RALGPS1: variants seen among roughly 807,000 people sequenced by gnomAD.
RALGPS1 encodes ras-specific guanine nucleotide-releasing factor RalGPS1.
In RALGPS1, 19 loss-of-function variants were observed where a neutral mutation model predicts 78.8. That is an observed-to-expected ratio of 0.24 (90% CI 0.17 to 0.35). The LOEUF (loss-of-function observed/expected upper bound fraction) is 0.35, where lower values mean the gene tolerates loss of function less well. RALGPS1 is among the 10% of genes least tolerant of loss of function. The pLI is 1.00. For missense variants in RALGPS1, 454 were observed against 688.3 expected (o/e 0.66, Z 3.81); for synonymous variants, 228 against 256.3 (o/e 0.89, Z 1.06).
chr9:127,110,683 G>A (rs1260240879), intron 8 of RALGPS1, among the ~76,000 whole-genome samples: 1 of 152,104 alleles, frequency 6.6e-6, no homozygotes, highest in Non-Finnish European at 1.5e-5. Flanking sequence ...TTTTTCCTGT[G>A]TTCATAAATG....
chr9:126,963,405 A>T (rs947665757), intron 2 of RALGPS1, among the ~76,000 whole-genome samples: 2 of 152,206 alleles, frequency 1.3e-5, no homozygotes, highest in Admixed American at 6.6e-5. Context: ...GTGTATACAC[A>T]TTATACACAT....
intron 1 of RALGPS1, among the ~76,000 whole-genome samples, chr9:126,933,303 A>G (rs1317858041): frequency 6.6e-6 from 1 of 152,084 alleles, no homozygotes; most frequent in Non-Finnish European, 1.5e-5. Flanking sequence ...GCCTTAGGCC[A>G]CTAGTCTCAA....
chr9:127,193,548 G>A (rs749133525), intron 11 of RALGPS1, among the ~76,000 whole-genome samples: 19 of 152,158 alleles, frequency 1.2e-4, no homozygotes, highest in Admixed American at 3.9e-4. Context: ...AAGTGCCCTT[G>A]CCTCCTGAAT....
chr9:127,065,581 T>G (rs1392201495), intron 7 of RALGPS1, among the ~76,000 whole-genome samples: 1 of 152,184 alleles, frequency 6.6e-6, no homozygotes, highest in Admixed American at 6.5e-5. Flanking sequence ...ACCAGATATC[T>G]AAGTAATCCT....
At chr9:126,941,070 G>A (rs1393923592) in intron 1 of RALGPS1, among the ~76,000 whole-genome samples, 1 of 151,748 alleles carries the variant, frequency 6.6e-6, no homozygotes, top group African/African-American at 2.4e-5. Flanking sequence ...GTTCACATGT[G>A]TTATAAAGAT....
chr9:127,088,683 G>A, intron 8 of RALGPS1: 1 of 528,904 alleles, frequency 1.9e-6, no homozygotes, highest in Non-Finnish European at 3.4e-6. Flanking sequence ...TTTATTTAAA[G>A]AAAGAGTTGT....
At chr9:127,141,975 C>T (rs908724758) in intron 8 of RALGPS1, among the ~76,000 whole-genome samples, 2 of 152,190 alleles carry the variant, frequency 1.3e-5, no homozygotes, top group Non-Finnish European at 2.9e-5. Context: ...TAACCCCATT[C>T]CACTATAGTA....
intron 7 of RALGPS1, among the ~76,000 whole-genome samples, chr9:127,057,321 T>G (rs1301514438): frequency 1.3e-5 from 2 of 152,216 alleles, no homozygotes; most frequent in Non-Finnish European, 2.9e-5. Context: ...TGGGTTGCAC[T>G]GAAAGCCTGA....
rs201609759 is a variant in RALGPS1, at chr9:127,212,606, C to T, written c.1354-21C>T. 3.4e-5 allele frequency: 54 copies of T among 1,567,238 alleles called. No homozygotes were observed. The African/African-American group carries it at 5.6e-4, about 16-fold the overall frequency. On this transcript the variant is annotated intron_variant, in intron 15 of 18. Coordinates refer to ENST00000259351, the MANE Select transcript of RALGPS1 (RefSeq NM_014636.3). This position sits in a 1 kb window ranked among gnomAD's most constrained non-coding sequence, Gnocchi z 6.0. ...CCCCACGACCCCTGGTGGCATCACT[C>T]AGCCTCCCCTTCCTCTGTAGCTGTC... is the stretch of plus-strand genomic sequence containing the variant.
At chr9:126,916,960 T>C (rs1198396214) in intron 1 of RALGPS1, among the ~76,000 whole-genome samples, 1 of 152,194 alleles carries the variant, frequency 6.6e-6, no homozygotes, top group Non-Finnish European at 1.5e-5. Flanking sequence ...TGCTCACTGG[T>C]AGTTGACCAG....
At chr9:127,068,773 A>G (rs2049933365) in intron 7 of RALGPS1, among the ~76,000 whole-genome samples, 1 of 152,190 alleles carries the variant, frequency 6.6e-6, no homozygotes, top group African/African-American at 2.4e-5. Context: ...TCCCATAGGC[A>G]TTGTGCCCAG....
chr9:127,058,925 C>G (rs916969451), intron 7 of RALGPS1, among the ~76,000 whole-genome samples: 38 of 152,092 alleles, frequency 2.5e-4, no homozygotes, highest in African/African-American at 9.2e-4. Context: ...AATTGAAATT[C>G]TTGGCAGGCA....
At chr9:127,181,528 A>G (rs2060220784) in intron 11 of RALGPS1, among the ~76,000 whole-genome samples, 1 of 152,244 alleles carries the variant, frequency 6.6e-6, no homozygotes, top group Admixed American at 6.5e-5. Flanking sequence ...TAGGCATTAC[A>G]TTGGCATGTC....
intron 4 of RALGPS1, among the ~76,000 whole-genome samples, chr9:126,978,588 A>T (rs2040912519): frequency 6.6e-6 from 1 of 150,776 alleles, no homozygotes; most frequent in Non-Finnish European, 1.5e-5. Flanking sequence ...CAGCCTGGAC[A>T]AAAGAGCGAG....
Position 127,214,808 on chromosome 9 carries a change from A to G in RALGPS1, c.1610A>G (p.His537Arg). Residue 537 changes from histidine to arginine, a missense_variant, in exon 18 of 19, where the codon CAT becomes CGT. Transcript: ENST00000259351. ...SRFHAILWHK[H>R]LDDACKSNRP... The stretch of plus-strand genomic sequence containing the variant: ...TTTCATGCAATACTGTGGCACAAGC[A>G]TTTGGATGATGCATGTAAAAGCAAC... The G allele has an allele frequency of 6.2e-7, 1 of 1,612,440 alleles. No homozygotes were observed. The highest frequency in any genetic ancestry group is 8.5e-7 in the Non-Finnish European group (1 of 1,179,416).
At chr9:127,040,479 G>A (rs1456786727) in intron 5 of RALGPS1, among the ~76,000 whole-genome samples, 1 of 152,176 alleles carries the variant, frequency 6.6e-6, no homozygotes, top group Non-Finnish European at 1.5e-5. Flanking sequence ...AAGGAAAAGG[G>A]CTGCCAGGGA....
intron 4 of RALGPS1, among the ~76,000 whole-genome samples, chr9:127,021,512 A>T (rs962711857): frequency 4.0e-5 from 6 of 151,026 alleles, no homozygotes; most frequent in Non-Finnish European, 8.9e-5. Flanking sequence ...AAAAAAAAAA[A>T]GGCATTCAGA....
intron 1 of RALGPS1, among the ~76,000 whole-genome samples, chr9:126,955,216 A>G (rs1226472440): frequency 6.6e-6 from 1 of 152,210 alleles, no homozygotes; most frequent in Non-Finnish European, 1.5e-5. Flanking sequence ...CTGCCTACCT[A>G]GAATATAAGT....
intron 1 of RALGPS1, among the ~76,000 whole-genome samples, chr9:126,932,411 A>G (rs2035875870): frequency 6.6e-6 from 1 of 152,206 alleles, no homozygotes. Context: ...AGACAGACAC[A>G]AAGAAATACA....
Sources: gnomAD v4.1 joint callset for allele counts (sites outside exome capture counted in the v4.1 genomes callset) on GRCh38, gnomAD v4.1.1 for gene constraint, Gnocchi (gnomAD v3.1) non-coding constraint, MANE v1.5 for transcripts, NCBI Gene and HGNC (gene_info 2026-07-23, HGNC 2026-07-21) for gene names.